CNTNAP3: variants seen among roughly 807,000 people sequenced by gnomAD.
CNTNAP3 encodes the protein contactin associated protein family member 3.
Under a neutral mutation model 92.1 loss-of-function variants are expected in CNTNAP3, and 36 were observed. That is an observed-to-expected ratio of 0.39 (90% CI 0.30 to 0.52). The LOEUF is 0.52. Ranked by LOEUF, CNTNAP3 falls within the 20% of genes least tolerant of loss-of-function variation. The pLI, the probability that CNTNAP3 is intolerant of heterozygous loss-of-function variation, is 0.76. For synonymous variants in CNTNAP3, 232 were observed against 422.3 expected, an observed-to-expected ratio of 0.55 and a Z score of 5.53; for missense variants, 534 against 1,069.6, an observed-to-expected ratio of 0.50 and a Z score of 6.98.
chr9:39,080,835 T>G (rs909073059), intron 21 of CNTNAP3, among the ~76,000 whole-genome samples: 11 of 137,722 alleles, frequency 8.0e-5, no homozygotes, highest in Admixed American at 2.1e-4. Context: ...CTAATTTTTT[T>G]TGTGTATTTT....
intron 18 of CNTNAP3, among the ~76,000 whole-genome samples, chr9:39,096,074 T>TTCAA (rs1587704685): frequency 5.7e-5 from 8 of 140,734 alleles, no homozygotes; most frequent in Admixed American, 6.9e-5. Flanking sequence ...ATCTGTCTCC[T>TTCAA]CTGTGCTGTT....
chr9:39,115,436 A>G (rs1036862894), intron 14 of CNTNAP3, among the ~76,000 whole-genome samples: 5 of 151,268 alleles, frequency 3.3e-5, no homozygotes, highest in Non-Finnish European at 5.9e-5. Flanking sequence ...AAACTGAAAA[A>G]TCAATTTTAT....
intron 10 of CNTNAP3, among the ~76,000 whole-genome samples, chr9:39,147,872 A>G (rs1174993194): frequency 6.6e-6 from 1 of 152,228 alleles, no homozygotes; most frequent in Non-Finnish European, 1.5e-5. Context: ...CTCACGATAT[A>G]TATCTCATAA....
At chr9:39,091,225 A>G (rs1480434551) in intron 18 of CNTNAP3, among the ~76,000 whole-genome samples, 2 of 149,838 alleles carry the variant, frequency 1.3e-5, no homozygotes, top group African/African-American at 2.5e-5. Context: ...AACCTCTAGT[A>G]CAATGCTGAA....
In CNTNAP3 at chr9:39,228,544, CTTT is replaced by C. The variant is rs1166589488; in HGVS notation, c.390+10446_390+10448del. ...TATTAAAAACTGTGAGCCGTTGAAT[CTTT>C]TTTTTTTTTTTTTGAGACAGAGTTT... is the stretch of plus-strand genomic sequence containing the variant. On this transcript the variant is annotated intron_variant, in intron 3 of 23. Transcript: ENST00000297668. Among the ~76,000 whole-genome samples the C allele has an allele frequency of 6.4e-4, 2 of 3,124 alleles. 1 individual carries two copies. Among genetic ancestry groups the C allele is most frequent in the Non-Finnish European group, 0.071 (2 of 28 alleles). 2.0% of individuals were successfully genotyped at this position (3,124 alleles called of 152,430 possible).
chr9:39,161,682 A>ATAATAATAATAATAATAG (rs1563896434), intron 9 of CNTNAP3, among the ~76,000 whole-genome samples: 2 of 138,694 alleles, frequency 1.4e-5, no homozygotes, highest in East Asian at 4.5e-4. Flanking sequence ...AATAATAATA[A>ATAATAATAATAATAATAG]TAATAATAAT....
chr9:39,139,184 G>T (rs945293946), intron 12 of CNTNAP3, among the ~76,000 whole-genome samples: 1 of 152,092 alleles, frequency 6.6e-6, no homozygotes, highest in Non-Finnish European at 1.5e-5. Context: ...TCATTAGCTA[G>T]ATTTTGTCAG....
At chr9:39,102,764 G>A (rs1426931812) in intron 16 of CNTNAP3, 49 bp from the exon 17 acceptor site, 20 of 663,814 alleles carry the variant, frequency 3.0e-5, no homozygotes, top group Non-Finnish European at 3.7e-5. Flanking sequence ...ACAGAAAATT[G>A]AGTCTTGTGC....
intron 13 of CNTNAP3, among the ~76,000 whole-genome samples, chr9:39,127,920 C>A (rs1473344906): frequency 6.6e-6 from 1 of 152,060 alleles, no homozygotes; most frequent in East Asian, 1.9e-4. Context: ...CTCACTGCAA[C>A]CTCTGCCTCC....
At chr9:39,122,667 C>T (rs1821058593) in intron 13 of CNTNAP3, among the ~76,000 whole-genome samples, 1 of 152,196 alleles carries the variant, frequency 6.6e-6, no homozygotes, top group African/African-American at 2.4e-5. Context: ...TACCTCAGTT[C>T]CTTTGCCAAT....
intron 21 of CNTNAP3, among the ~76,000 whole-genome samples, chr9:39,083,461 C>A (rs751849165): frequency 6.6e-6 from 1 of 151,954 alleles, no homozygotes; most frequent in Non-Finnish European, 1.5e-5. Context: ...GAATTCGAGA[C>A]CAGCCTGACC....
intron 14 of CNTNAP3, among the ~76,000 whole-genome samples, chr9:39,112,033 C>A (rs1389522060): frequency 1.5e-5 from 2 of 133,952 alleles, no homozygotes; most frequent in Admixed American, 1.4e-4. Context: ...ATAGGGACAT[C>A]TCATTTTTCT....
chr9:39,102,271 C>T (rs1262939160), intron 17 of CNTNAP3, among the ~76,000 whole-genome samples: 1 of 152,398 alleles, frequency 6.6e-6, no homozygotes, highest in Non-Finnish European at 1.5e-5. Context: ...CACAGTGAGA[C>T]TCTGTCTGAA....
intron 21 of CNTNAP3, among the ~76,000 whole-genome samples, chr9:39,081,489 C>T (rs201127788): frequency 0.18 from 24,529 of 136,236 alleles, 2,563 homozygotes; most frequent in East Asian, 0.31. Flanking sequence ...TTCACGTTTG[C>T]ACAAATTCCT....
intron 12 of CNTNAP3, among the ~76,000 whole-genome samples, chr9:39,138,985 T>C (rs1392027275): frequency 6.6e-6 from 1 of 152,166 alleles, no homozygotes; most frequent in Non-Finnish European, 1.5e-5. Context: ...AAGCAACTGC[T>C]TTTTGAAGGT....
At chr9:39,082,086 C>CAA (rs34730493) in intron 21 of CNTNAP3, among the ~76,000 whole-genome samples, 5,103 of 101,794 alleles carry the variant, frequency 0.05, 518 homozygotes, top group African/African-American at 0.12. Context: ...AACTCGATCT[C>CAA]AAAAAAAAAA....
chr9:39,094,128 T>C (rs1826275494), intron 18 of CNTNAP3, among the ~76,000 whole-genome samples: 1 of 151,660 alleles, frequency 6.6e-6, no homozygotes, highest in African/African-American at 2.4e-5. Context: ...TAACTAATGA[T>C]GTTGAGTATC....
chr9:39,168,386 T>C (rs919305797), intron 8 of CNTNAP3, among the ~76,000 whole-genome samples: 2 of 138,994 alleles, frequency 1.4e-5, no homozygotes, highest in Admixed American at 1.5e-4. Flanking sequence ...TTATTGTCCA[T>C]AGACATGCAA....
At chr9:39,146,898 T>C (rs1821716245) in intron 10 of CNTNAP3, among the ~76,000 whole-genome samples, 1 of 152,196 alleles carries the variant, frequency 6.6e-6, no homozygotes, top group South Asian at 2.1e-4. Flanking sequence ...GAATTAGTGA[T>C]ACGGTTTGGC....
Sources: allele counts gnomAD v4.1 joint callset (sites outside exome capture counted in the v4.1 genomes callset), GRCh38; gene constraint gnomAD v4.1.1; transcripts MANE v1.5; gene names NCBI Gene and HGNC (gene_info 2026-07-23, HGNC 2026-07-21).